The following FURIN variants were observed in gnomAD, a reference collection of about 807,000 sequenced individuals.
The protein encoded by FURIN is FES upstream region.
In FURIN, 18 loss-of-function variants were observed where a neutral mutation model predicts 89.2. The ratio of observed to expected loss-of-function variants is 0.20; its 90% CI spans 0.14 to 0.30. The LOEUF (loss-of-function observed/expected upper bound fraction) is 0.30. FURIN is among the 10% of genes least tolerant of loss of function. The pLI, the probability that FURIN is intolerant of heterozygous loss-of-function variation, is 1.00. For synonymous variants in FURIN, 508 were observed against 466.4 expected, an observed-to-expected ratio of 1.09 and a Z score of -1.15; for missense variants, 879 against 1,100.5, an observed-to-expected ratio of 0.80 and a Z score of 2.85.
Position 90,879,708 on chromosome 15 carries a change from G to T in FURIN, c.1192G>T (p.Val398Leu). ...LTWRDMQHLV[V>L]QTSKPAHLNA... is the part of the protein sequence containing the mutation. Reference sequence around the variant, plus strand: ...ATGGCGGGACATGCAACACCTGGTGGTACAGACCTCGAAGCCAGCCCACCT... The same window carrying T: ...ATGGCGGGACATGCAACACCTGGTGTTACAGACCTCGAAGCCAGCCCACCT... Residue 398 changes from valine to leucine, a missense_variant, in exon 11 of 16, where the codon GTA becomes TTA. Val to Leu is a conservative substitution (Grantham distance 32). Around this residue, in one of 5 missense-constraint regions of FURIN, gnomAD observed 156 missense variants for 243.7 expected, o/e 0.64. Transcript: ENST00000268171. 1 of 1,613,760 alleles carries T rather than the reference G, an allele frequency of 6.2e-7. No individual in the cohort carries two copies. The highest frequency in any genetic ancestry group is 8.5e-7 in the Non-Finnish European group (1 of 1,180,014).
chr15:90,876,559 T>C lies in FURIN; in HGVS notation c.372+2T>C, dbSNP rs898069107. 3 of 1,597,490 alleles carry C rather than the reference T, an allele frequency of 1.9e-6. No homozygotes were observed. The highest frequency in any genetic ancestry group is 2.6e-6 in the Non-Finnish European group (3 of 1,164,992). Reference sequence around the variant, plus strand: ...AAGTTTCCTCAGCAGTGGTACCTGGTACGTGGCCTTCTTCGCTGCTGGGAC... The same window carrying C: ...AAGTTTCCTCAGCAGTGGTACCTGGCACGTGGCCTTCTTCGCTGCTGGGAC... On this transcript the variant is annotated splice_donor_variant, in intron 4 of 15. Transcript: ENST00000268171. LOFTEE classifies it high-confidence loss of function. The surrounding 1 kb of genome is among the most constrained non-coding windows in gnomAD (Gnocchi z 5.0).
Position 90,881,822 on chromosome 15 carries a change from G to C in FURIN, c.2329G>C (p.Glu777Gln). ...WQEECPSDSE[E>Q]DEGRGERTAF... ...GGAGGAGTGCCCGTCTGACTCAGAA[G>C]AGGACGAGGGCCGGGGCGAGAGGAC... is the stretch of plus-strand genomic sequence containing the variant. The change falls in exon 16 of 16, where the codon GAG (glutamate) becomes CAG (glutamine). Residue 777 changes from glutamate to glutamine, a missense_variant. By Grantham distance (29) the Glu-to-Gln change is conservative. Transcript: ENST00000268171. The surrounding 1 kb of genome is among the most constrained non-coding windows in gnomAD (Gnocchi z 4.3). 6.2e-7 allele frequency: 1 copy of C among 1,613,470 alleles called. No individual in the cohort carries two copies. The highest frequency in any genetic ancestry group is 8.5e-7 in the Non-Finnish European group (1 of 1,180,002).
chr15:90,882,200 T>G lies in FURIN; in HGVS notation c.*322T>G. On this transcript the variant is annotated 3_prime_UTR_variant, in exon 16 of 16. Coordinates refer to ENST00000268171, the MANE Select transcript of FURIN (RefSeq NM_002569.4). The stretch of plus-strand genomic sequence containing the variant: ...GAGGGGCAGCCCTTGCTTGTTGGGA[T>G]TCCTGACCCAGGCCGCAGCTCTTGC... The G allele has an allele frequency of 3.0e-6, 1 of 338,714 alleles. No homozygotes were observed. Among genetic ancestry groups the G allele is most frequent in the Non-Finnish European group, 5.5e-6 (1 of 182,678 alleles). 21.0% of individuals were successfully genotyped at this position (338,714 alleles called of 1,614,324 possible).
chr15:90,880,539 C>A, intron 13 of FURIN, 152 bp from the exon 14 acceptor site: 1 of 817,722 alleles, frequency 1.2e-6, no homozygotes, highest in Non-Finnish European at 1.9e-6. Context: ...GCACGTCTGG[C>A]TCACTGAGAA....
rs2151228843 is a variant in FURIN at position 90,881,158 on chromosome 15, C to G, written c.1792+118C>G. On this transcript the variant is annotated intron_variant, in intron 15 of 15. Coordinates refer to ENST00000268171, the MANE Select transcript of FURIN (RefSeq NM_002569.4). The surrounding 1 kb of genome is among the most constrained non-coding windows in gnomAD (Gnocchi z 4.3). ...CAAGAGACCTAGGGCCCCTGGGGCT[C>G]TTGGGATGACCACAGTCCTGGGGCT... 9.1e-7 allele frequency: 1 copy of G among 1,093,584 alleles called. No individual in the cohort carries two copies. The allele number at this position is 1,093,584 out of a possible 1,614,324, so 67.7% of individuals were successfully genotyped here.
chr15:90,869,073 G>C (rs2031169658), intron 1 of FURIN, among the ~76,000 whole-genome samples: 1 of 152,182 alleles, frequency 6.6e-6, no homozygotes, highest in Non-Finnish European at 1.5e-5. Context: ...ATTCTCAGGA[G>C]CCTCTCTGGA....
chr15:90,880,054 C>G (rs763400359), intron 12 of FURIN, 40 bp from the exon 13 acceptor site: 13 of 1,605,064 alleles, frequency 8.1e-6, no homozygotes, highest in Admixed American at 1.7e-5. Flanking sequence ...CCGCTGGTCC[C>G]TCTGGGCCAG....
chr15:90,877,456 C>T (rs1405346404), intron 6 of FURIN, 71 bp from the exon 7 acceptor site: 5 of 1,267,026 alleles, frequency 3.9e-6, no homozygotes, highest in Admixed American at 4.2e-5. Flanking sequence ...CCCTCGTGCT[C>T]CTCAGGCCAC....
chr15:90,880,582 G>A (rs1165130295), intron 13 of FURIN, 109 bp from the exon 14 acceptor site: 6 of 1,241,594 alleles, frequency 4.8e-6, no homozygotes, highest in Non-Finnish European at 6.7e-6. Context: ...CTGGCCCCAT[G>A]GGGTTGGTCT....
chr15:90,880,668 G>A (rs766166135), intron 13 of FURIN, 23 bp from the exon 14 acceptor site: 8 of 1,605,392 alleles, frequency 5.0e-6, no homozygotes, highest in Non-Finnish European at 6.8e-6. Flanking sequence ...AGGCCTCAGG[G>A]CTGTGTGCAC....
Position 90,879,976 on chromosome 15 carries a change from C to G in FURIN, c.1368C>G (p.Thr456=). 6.2e-7 allele frequency: 1 copy of G among 1,611,800 alleles called. No homozygotes were observed. Among genetic ancestry groups the G allele is most frequent in the South Asian group, 1.1e-5 (1 of 91,042 alleles). ...GGAAGTGCATCATCGACATCCTCACCGAGCCCAAGTGAGGGCTGGACCCAG... is the reference window on the plus strand; with the variant it reads ...GGAAGTGCATCATCGACATCCTCACGGAGCCCAAGTGAGGGCTGGACCCAG... ...PQRKCIIDIL[T]EPKDIGKRLE... is the part of the protein sequence containing the mutation. The change falls in exon 12 of 16, where the codon ACC becomes ACG. Residue 456 remains threonine (T), a synonymous_variant. Transcript: ENST00000268171.
rs2031636370 is a variant in FURIN at position 90,876,493 on chromosome 15, G to A, written c.308G>A (p.Arg103Gln). The A allele has an allele frequency of 1.9e-6, 3 of 1,613,926 alleles. No individual in the cohort carries two copies. Among genetic ancestry groups the A allele is most frequent in the Admixed American group, 3.3e-5 (2 of 60,010 alleles). The change falls in exon 4 of 16, where the codon CGA (arginine) becomes CAA (glutamine). Residue 103 changes from arginine (R) to glutamine (Q), a missense_variant. By Grantham distance (43) the Arg-to-Gln change is conservative. Transcript: ENST00000268171. The surrounding 1 kb of genome is among the most constrained non-coding windows in gnomAD (Gnocchi z 5.0). Reference protein sequence around the residue: ...VQWLEQQVAKRRTKRDVYQEP... With the variant: ...VQWLEQQVAKQRTKRDVYQEP... ...TGGCTGGAACAGCAGGTGGCAAAGC[G>A]ACGGACTAAACGGGACGTGTACCAG...
chr15:90,869,514 C>G (rs1330161048), intron 1 of FURIN, among the ~76,000 whole-genome samples: 1 of 152,210 alleles, frequency 6.6e-6, no homozygotes, highest in Non-Finnish European at 1.5e-5. Flanking sequence ...ATGTGAGACA[C>G]TCTGGGTGAA....
chr15:90,882,193 G>A lies in FURIN; in HGVS notation c.*315G>A. The A allele has an allele frequency of 2.8e-6, 1 of 355,124 alleles. No homozygotes were observed. Among genetic ancestry groups the A allele is most frequent in the Middle Eastern group, 8.3e-4 (1 of 1,204 alleles). 22.0% of individuals were successfully genotyped at this position (355,124 alleles called of 1,614,324 possible). A position where few individuals can be genotyped will look rare whatever the true frequency, so the allele number is the denominator to read the frequency against. Reference sequence around the variant, plus strand: ...GAGTGAAGAGGGGCAGCCCTTGCTTGTTGGGATTCCTGACCCAGGCCGCAG... The same window carrying A: ...GAGTGAAGAGGGGCAGCCCTTGCTTATTGGGATTCCTGACCCAGGCCGCAG... On this transcript the variant is annotated 3_prime_UTR_variant, in exon 16 of 16. Transcript: ENST00000268171.
rs2032019237 is a variant in FURIN, at chr15:90,882,163, C to A, written c.*285C>A. On this transcript the variant is annotated 3_prime_UTR_variant, in exon 16 of 16. Transcript: ENST00000268171. ...CCGGCCCCGGCCCCAGCCAGAGTTC[C>A]TGCGGAGTGAAGAGGGGCAGCCCTT... 4 of 420,636 alleles carry A rather than the reference C, an allele frequency of 9.5e-6. No homozygotes were observed. Among genetic ancestry groups the A allele is most frequent in the East Asian group, 5.1e-5 (1 of 19,776 alleles). The allele number at this position is 420,636 out of a possible 1,614,324, so 26.1% of individuals were successfully genotyped here. A position where few individuals can be genotyped will look rare whatever the true frequency, so the allele number is the denominator to read the frequency against.
intron 1 of FURIN, among the ~76,000 whole-genome samples, chr15:90,874,793 A>G (rs1270900434): frequency 6.6e-6 from 1 of 152,240 alleles, no homozygotes; most frequent in Non-Finnish European, 1.5e-5. Flanking sequence ...AATTCTCACC[A>G]TCTTGAGAGA....
At chr15:90,870,018 C>T (rs2031214770) in intron 1 of FURIN, among the ~76,000 whole-genome samples, 2 of 152,198 alleles carry the variant, frequency 1.3e-5, no homozygotes, top group Admixed American at 6.5e-5. Context: ...GAGGGGAAGT[C>T]CCCACTTTGG....
In FURIN at chr15:90,879,471, A is replaced by G; in HGVS notation, c.1081A>G (p.Thr361Ala). 6.2e-7 allele frequency: 1 copy of G among 1,613,252 alleles called. No individual in the cohort carries two copies. Among genetic ancestry groups the G allele is most frequent in the Non-Finnish European group, 8.5e-7 (1 of 1,179,436 alleles). ...GACGACTGACTTGCGGCAGAAGTGCACGGAGTCTCACACGGGCACCTCAGC... is the reference window on the plus strand; with the variant it reads ...GACGACTGACTTGCGGCAGAAGTGCGCGGAGTCTCACACGGGCACCTCAGC... The part of the protein sequence containing the change: ...IVTTDLRQKC[T>A]ESHTGTSASA... The change falls in exon 10 of 16, where the codon ACG becomes GCG. Residue 361 changes from threonine to alanine, a missense_variant. Physicochemically the swap from Thr to Ala is moderately conservative, Grantham distance 58. This residue lies in a region of FURIN where 156 missense variants were observed against 243.7 expected (regional missense o/e 0.64). Coordinates refer to ENST00000268171, the MANE Select transcript of FURIN (RefSeq NM_002569.4).
chr15:90,876,279 T>A lies in FURIN; in HGVS notation c.202T>A (p.Trp68Arg), dbSNP rs2031618864. 1.2e-6 allele frequency: 2 copies of A among 1,610,800 alleles called. No homozygotes were observed. The highest frequency in any genetic ancestry group is 2.7e-5 in the African/African-American group (2 of 74,838). Residue 68 changes from tryptophan to arginine, a missense_variant, in exon 3 of 16, where the codon TGG becomes AGG. Coordinates refer to ENST00000268171, the MANE Select transcript of FURIN (RefSeq NM_002569.4). The surrounding 1 kb of genome is among the most constrained non-coding windows in gnomAD (Gnocchi z 5.0). ...GQIFGDYYHF[W>R]HRGVTKRSLS... ...GATCTTCGGGGACTATTACCACTTC[T>A]GGCATCGAGGAGTGACGAAGCGGTC...
Sources: allele counts gnomAD v4.1 joint callset (sites outside exome capture counted in the v4.1 genomes callset), GRCh38; gene constraint gnomAD v4.1.1; regional missense constraint gnomAD v4.1.1; non-coding constraint Gnocchi (gnomAD v3.1); transcripts MANE v1.5; gene names NCBI Gene and HGNC (gene_info 2026-07-23, HGNC 2026-07-21).